The following PCDHGB5 variants were observed in gnomAD, a reference collection of about 807,000 sequenced individuals.
The protein encoded by PCDHGB5 is protocadherin gamma-B5.
PCDHGB5 carries 48 observed loss-of-function variants against 62.9 expected under a neutral mutation model. The ratio of observed to expected loss-of-function variants is 0.76; its 90% CI spans 0.61 to 0.97. The LOEUF (loss-of-function observed/expected upper bound fraction) is 0.97, where lower values mean the gene tolerates loss of function less well. Ranked by LOEUF, PCDHGB5 falls within the 50% of genes least tolerant of loss-of-function variation. The probability of loss-of-function intolerance (pLI) is 0.00; values close to 1 mark genes in which losing one functional copy is unlikely to be tolerated. For missense variants in PCDHGB5, 1,118 were observed against 1,198.6 expected (o/e 0.93, Z 0.99); for synonymous variants, 474 against 511.2 (o/e 0.93, Z 0.98).
At chr5:141,473,939 C>T (rs1301939679) in intron 1 of PCDHGB5, among the ~76,000 whole-genome samples, 2 of 152,068 alleles carry the variant, frequency 1.3e-5, no homozygotes, top group African/African-American at 2.4e-5. Context: ...TGCAGTAGCT[C>T]AGGCCTGTAG....
chr5:141,410,101 C>T, intron 1 of PCDHGB5: 1 of 1,612,490 alleles, frequency 6.2e-7, no homozygotes, highest in African/African-American at 1.3e-5. Flanking sequence ...GAGCCTTAGG[C>T]GACAGGGACG....
intron 1 of PCDHGB5, among the ~76,000 whole-genome samples, chr5:141,453,217 G>A (rs770914741): frequency 1.2e-4 from 19 of 152,100 alleles, no homozygotes; most frequent in Admixed American, 1.0e-3. Context: ...GCACTTAAGC[G>A]ATCCTCCCAC....
In PCDHGB5 at chr5:141,476,299, C is replaced by G; in HGVS notation, c.2398-18508C>G. On this transcript the variant is annotated intron_variant, in intron 1 of 3. Transcript: ENST00000617380. This position sits in a 1 kb window ranked among gnomAD's most constrained non-coding sequence, Gnocchi z 7.6. The stretch of plus-strand genomic sequence containing the variant: ...ACCTTGGTTTGGATCTCGGTAGCCT[C>G]TCAGCCCGCAGGTTCCGGGTGGTGT... The G allele has an allele frequency of 6.2e-7, 1 of 1,614,100 alleles. No individual in the cohort carries two copies. The highest frequency in any genetic ancestry group is 8.5e-7 in the Non-Finnish European group (1 of 1,180,014).
At chr5:141,410,117 C>T (rs768592770) in intron 1 of PCDHGB5, 6 of 1,612,766 alleles carry the variant, frequency 3.7e-6, no homozygotes, top group Admixed American at 3.3e-5. Context: ...GGACGCAGCC[C>T]GCCAGCGCCT....
At position 141,486,059 on chromosome 5, in the gene PCDHGB5, C is replaced by T. The variant is rs141349392; in HGVS notation, c.2398-8748C>T. ...TCGTGTAAGAAACCTCTTTAGCCTG[C>T]ACCCCACTACTGGAAAGCTTACTCT... On this transcript the variant is annotated intron_variant, in intron 1 of 3. Transcript: ENST00000617380. The surrounding 1 kb of genome is among the most constrained non-coding windows in gnomAD (Gnocchi z 5.0). The T allele has an allele frequency of 9.0e-5, 146 of 1,614,034 alleles. No individual in the cohort carries two copies. The highest frequency in any genetic ancestry group is 1.2e-4 in the Non-Finnish European group (138 of 1,180,018).
rs759226115 is a variant in PCDHGB5 at position 141,405,385 on chromosome 5, AT to A, written c.2397+4869del. On this transcript the variant is annotated intron_variant, in intron 1 of 3. Transcript: ENST00000617380. ...ACACCCCTTTGGTTCCGGTGAGTTC[AT>A]TTTTTTTCTTTCTTTCTTTTCTTTT... 1.8e-5 allele frequency: 29 copies of A among 1,599,886 alleles called. No homozygotes were observed. In the East Asian group the frequency reaches 2.2e-4, roughly 12 times the overall value.
intron 1 of PCDHGB5, 100 bp from the exon 2 acceptor site, chr5:141,494,707 G>A: frequency 2.5e-6 from 4 of 1,599,238 alleles, no homozygotes; most frequent in Non-Finnish European, 3.4e-6. Context: ...TCTTCTCTGT[G>A]CCCACTCCCC....
chr5:141,421,125 C>G, intron 1 of PCDHGB5: 1 of 804,210 alleles, frequency 1.2e-6, no homozygotes, highest in Admixed American at 3.0e-5. Flanking sequence ...CCTTCGCTTT[C>G]TGATATATTT....
rs767107885 is a variant in PCDHGB5, at chr5:141,423,138, C to T, written c.2397+22614C>T. ...CAGCGCGGGCACTGCTGGACAGAGA[C>T]GCGCTCAAGCAGAGCCTCGTGGTGG... On this transcript the variant is annotated intron_variant, in intron 1 of 3. Transcript: ENST00000617380. 2.5e-6 allele frequency: 4 copies of T among 1,613,606 alleles called. 1 individual carries two copies. The highest frequency in any genetic ancestry group is 3.4e-6 in the Non-Finnish European group (4 of 1,179,912).
chr5:141,427,936 G>A, intron 1 of PCDHGB5: 1 of 1,584,966 alleles, frequency 6.3e-7, no homozygotes, highest in Admixed American at 1.7e-5. Context: ...ATGTTGGTGG[G>A]CGACCTCAAT....
At chr5:141,433,082 T>C in intron 1 of PCDHGB5, 1 of 1,614,188 alleles carries the variant, frequency 6.2e-7, no homozygotes. Flanking sequence ...CCAGCCCAAC[T>C]ATGCAGACAT....
chr5:141,450,615 T>C (rs2098687601), intron 1 of PCDHGB5, among the ~76,000 whole-genome samples: 1 of 151,340 alleles, frequency 6.6e-6, no homozygotes, highest in African/African-American at 2.4e-5. Flanking sequence ...GCCTCCTGAG[T>C]AGCTGGGATT....
chr5:141,431,724 T>G lies in PCDHGB5; in HGVS notation c.2397+31200T>G, dbSNP rs758754345. On this transcript the variant is annotated intron_variant, in intron 1 of 3. Transcript: ENST00000617380. The surrounding 1 kb of genome is among the most constrained non-coding windows in gnomAD (Gnocchi z 4.8). ...TTCTACCAGATGGAAGTGCAAGCAA[T>G]GGATAATGCAGGATATTCTGCGCGA... 1 of 1,614,036 alleles carries G rather than the reference T, an allele frequency of 6.2e-7. No individual in the cohort carries two copies. Among genetic ancestry groups the G allele is most frequent in the Non-Finnish European group, 8.5e-7 (1 of 1,180,036 alleles).
chr5:141,430,673 C>A, intron 1 of PCDHGB5: 1 of 1,288,318 alleles, frequency 7.8e-7, no homozygotes, highest in Non-Finnish European at 1.0e-6. Flanking sequence ...TCTGACTTCC[C>A]AACTGTCCCA....
chr5:141,408,131 G>C, intron 1 of PCDHGB5: 1 of 1,482,338 alleles, frequency 6.7e-7, no homozygotes, highest in South Asian at 1.4e-5. Flanking sequence ...TGGGCCGAAT[G>C]CTCTTTTAGC....
chr5:141,506,253 G>A (rs1332023284), intron 3 of PCDHGB5, among the ~76,000 whole-genome samples: 2 of 151,862 alleles, frequency 1.3e-5, no homozygotes, highest in Non-Finnish European at 2.9e-5. Flanking sequence ...GTTCGAAACC[G>A]GCCTGGCCAA....
intron 1 of PCDHGB5, among the ~76,000 whole-genome samples, chr5:141,480,151 C>T (rs543997143): frequency 1.3e-5 from 2 of 152,162 alleles, no homozygotes; most frequent in African/African-American, 4.8e-5. Context: ...TTAGCCAGCT[C>T]CTAGCATTTT....
chr5:141,399,627 CG>C lies in PCDHGB5; in HGVS notation c.1501del (p.Val501CysfsTer3), dbSNP rs2093851448. On this transcript the variant is annotated frameshift_variant, in exon 1 of 4. Transcript: ENST00000617380. LOFTEE classifies it high-confidence loss of function. ...TAGAGCCTCTGGCACTGGCCTCTTACGTGTCCATGAGCGCGCAAAGTGGGGT... is the reference window on the plus strand; with the variant it reads ...TAGAGCCTCTGGCACTGGCCTCTTACTGTCCATGAGCGCGCAAAGTGGGGT... ...DLEPLALASY[V>X]SMSAQSGVVF... 6.2e-7 allele frequency: 1 copy of C among 1,613,906 alleles called. No individual in the cohort carries two copies. Among genetic ancestry groups the C allele is most frequent in the Non-Finnish European group, 8.5e-7 (1 of 1,179,886 alleles).
chr5:141,478,381 C>T (rs931860600), intron 1 of PCDHGB5: 22 of 1,613,664 alleles, frequency 1.4e-5, no homozygotes, highest in Non-Finnish European at 1.8e-5. Flanking sequence ...TGTCGCCGCA[C>T]CTTTACCATC....
Sources: allele counts gnomAD v4.1 joint callset (sites outside exome capture counted in the v4.1 genomes callset), GRCh38; gene constraint gnomAD v4.1.1; non-coding constraint Gnocchi (gnomAD v3.1); transcripts MANE v1.5; gene names NCBI Gene and HGNC (gene_info 2026-07-23, HGNC 2026-07-21).